Variants in ARB2A observed in about 807,000 individuals in gnomAD.
The protein encoded by ARB2A is cotranscriptional regulator ARB2A.
At chr5:94,105,635 C>T in the ARB2A span, among the ~76,000 whole-genome samples, 1 of 151,670 alleles carries the variant, frequency 6.6e-6, no homozygotes, top group African/African-American at 2.4e-5. Context: ...AAATATCTAA[C>T]ATTCATATGG....
the ARB2A span, among the ~76,000 whole-genome samples, chr5:94,087,947 A>C: frequency 6.6e-6 from 1 of 152,336 alleles, no homozygotes; most frequent in South Asian, 2.1e-4. Context: ...CACAACAATG[A>C]AATCACCTAA....
At chr5:93,720,350 A>T in the ARB2A span, among the ~76,000 whole-genome samples, 1 of 152,196 alleles carries the variant, frequency 6.6e-6, no homozygotes. Context: ...GGGCCTCTTT[A>T]GTTTCCATAA....
At chr5:94,051,489 T>C in the ARB2A span, among the ~76,000 whole-genome samples, 1 of 152,194 alleles carries the variant, frequency 6.6e-6, no homozygotes, top group Non-Finnish European at 1.5e-5. Flanking sequence ...TAAGCTTTAC[T>C]AATAATTTCA....
At chr5:94,055,648 T>C in the ARB2A span, 1 of 985,308 alleles carries the variant, frequency 1.0e-6, no homozygotes, top group Non-Finnish European at 1.2e-6. Context: ...CATTCATTAG[T>C]AAAGTTCTTA....
At chr5:93,920,688 TA>T in the ARB2A span, among the ~76,000 whole-genome samples, 1 of 152,166 alleles carries the variant, frequency 6.6e-6, no homozygotes, top group Non-Finnish European at 1.5e-5. Context: ...TTACACACCA[TA>T]CATGGTACCA....
At chr5:93,804,611 C>T in the ARB2A span, among the ~76,000 whole-genome samples, 1 of 151,690 alleles carries the variant, frequency 6.6e-6, no homozygotes, top group African/African-American at 2.4e-5. Flanking sequence ...AAGAACTGCT[C>T]ATATTTACCA....
chr5:93,837,844 T>G, the ARB2A span, among the ~76,000 whole-genome samples: 1 of 152,232 alleles, frequency 6.6e-6, no homozygotes. Flanking sequence ...GCCCACATTT[T>G]AATGGGGATG....
chr5:93,835,714 A>G, the ARB2A span, among the ~76,000 whole-genome samples: 4 of 152,330 alleles, frequency 2.6e-5, no homozygotes, highest in African/African-American at 7.2e-5. Context: ...AAATATGTAT[A>G]TAAGTATGTA....
chr5:93,705,783 T>C, the ARB2A span, among the ~76,000 whole-genome samples: 1 of 152,056 alleles, frequency 6.6e-6, no homozygotes, highest in Non-Finnish European at 1.5e-5. Context: ...TGCCCTTCAC[T>C]GAAAACTCAA....
At chr5:93,902,060 A>G in the ARB2A span, among the ~76,000 whole-genome samples, 10 of 152,122 alleles carry the variant, frequency 6.6e-5, no homozygotes, top group Admixed American at 1.3e-4. Flanking sequence ...CAGAACTTCA[A>G]GTGTAGTAGG....
the ARB2A span, among the ~76,000 whole-genome samples, chr5:93,816,106 A>G: frequency 6.6e-6 from 1 of 152,162 alleles, no homozygotes; most frequent in Non-Finnish European, 1.5e-5. Flanking sequence ...TAACGATTGG[A>G]TCCTAACTTT....
chr5:93,980,470 G>A, the ARB2A span, among the ~76,000 whole-genome samples: 1 of 152,090 alleles, frequency 6.6e-6, no homozygotes, highest in Non-Finnish European at 1.5e-5. Context: ...ACTCAATGTA[G>A]TTCCTGAATC....
the ARB2A span, among the ~76,000 whole-genome samples, chr5:93,927,985 A>G: frequency 6.6e-6 from 1 of 151,424 alleles, no homozygotes; most frequent in Admixed American, 6.6e-5. Flanking sequence ...TCTAAAATCA[A>G]CATTACCAAT....
At chr5:93,732,886 A>C in the ARB2A span, among the ~76,000 whole-genome samples, 1 of 152,084 alleles carries the variant, frequency 6.6e-6, no homozygotes, top group Non-Finnish European at 1.5e-5. Flanking sequence ...AAATTCTAAA[A>C]AAAAAATCAC....
chr5:93,684,906 G>T, the ARB2A span, among the ~76,000 whole-genome samples: 1 of 152,180 alleles, frequency 6.6e-6, no homozygotes. Flanking sequence ...CCAGTTTGTA[G>T]CATTTATATT....
the ARB2A span, among the ~76,000 whole-genome samples, chr5:93,746,164 G>C: frequency 1.3e-5 from 2 of 151,556 alleles, no homozygotes; most frequent in African/African-American, 2.4e-5. Context: ...ATAAAGCAAA[G>C]TGAGGCATCA....
At chr5:94,040,503 C>T in the ARB2A span, among the ~76,000 whole-genome samples, 2 of 146,802 alleles carry the variant, frequency 1.4e-5, no homozygotes, top group Non-Finnish European at 3.0e-5. Context: ...TCCCTCCCCC[C>T]TCCCCCAACC....
At chr5:93,700,950 C>T in the ARB2A span, among the ~76,000 whole-genome samples, 6 of 151,964 alleles carry the variant, frequency 3.9e-5, no homozygotes, top group South Asian at 4.2e-4. Flanking sequence ...CAAATGAAAA[C>T]GCAGAGTAAA....
At chr5:93,905,140 C>A in the ARB2A span, among the ~76,000 whole-genome samples, 3 of 151,762 alleles carry the variant, frequency 2.0e-5, no homozygotes, top group South Asian at 4.2e-4. Context: ...AAATCAAGTA[C>A]ACATTTATTT....
Sources: gnomAD v4.1 joint callset for allele counts (sites outside exome capture counted in the v4.1 genomes callset) on GRCh38, gnomAD v4.1.1 for gene constraint, MANE v1.5 for transcripts, NCBI Gene and HGNC (gene_info 2026-07-23, HGNC 2026-07-21) for gene names.